Variants in MECOM observed in about 807,000 individuals in gnomAD.
MECOM encodes histone-lysine N-methyltransferase MECOM.
Under a neutral mutation model 116.3 loss-of-function variants are expected in MECOM, and 13 were observed. That is an observed-to-expected ratio of 0.11 (90% CI 0.07 to 0.18). MECOM has a LOEUF of 0.18. MECOM is among the 10% of genes least tolerant of loss of function. MECOM has a pLI of 1.00. For missense variants in MECOM, 1,299 were observed against 1,509.0 expected, an observed-to-expected ratio of 0.86 and a Z score of 2.31; for synonymous variants, 528 against 535.2, an observed-to-expected ratio of 0.99 and a Z score of 0.19.
chr3:169,230,502 G>A (rs1753248842), intron 2 of MECOM, among the ~76,000 whole-genome samples: 1 of 152,010 alleles, frequency 6.6e-6, no homozygotes, highest in Admixed American at 6.6e-5. Context: ...CTTAATTCTC[G>A]ATTTTGTTAT....
Position 169,097,603 on chromosome 3 carries a change from TA to T in MECOM, c.2850-2359del, listed in dbSNP as rs1024343001. 1.6e-4 allele frequency among the ~76,000 whole-genome samples: 25 copies of T among 151,868 alleles called. 1 individual carries two copies. The highest frequency in any genetic ancestry group is 5.1e-4 in the African/African-American group (21 of 41,352). ...CAGACTTTGCGGAAGGCAATTAGCA[TA>T]TGTAAATCTGAATTTTTTCATTTGT... On this transcript the variant is annotated intron_variant, in intron 12 of 16. Coordinates refer to ENST00000651503, the MANE Select transcript of MECOM (RefSeq NM_004991.4).
At position 169,283,041 on chromosome 3, in the gene MECOM, G is replaced by A. The variant is rs1015597526; in HGVS notation, c.375+98146C>T. On this transcript the variant is annotated intron_variant, in intron 2 of 16. Transcript: ENST00000651503. ...CTGACTTCAATCACATCTAGAATTC[G>A]AACAAAAGAAGTTATATGAGTTGCT... 3.9e-5 allele frequency among the ~76,000 whole-genome samples: 6 copies of A among 152,030 alleles called. No individual in the cohort carries two copies. In the South Asian group the frequency reaches 6.2e-4, roughly 16 times the overall value.
intron 1 of MECOM, among the ~76,000 whole-genome samples, chr3:169,466,482 AT>A (rs1359634900): frequency 6.6e-6 from 1 of 152,104 alleles, no homozygotes; most frequent in African/African-American, 2.4e-5. Flanking sequence ...TAAAAGTGAG[AT>A]CTAAAAAGTT....
At chr3:169,086,351 C>A (rs185217257) in intron 16 of MECOM, among the ~76,000 whole-genome samples, 1 of 152,180 alleles carries the variant, frequency 6.6e-6, no homozygotes, top group African/African-American at 2.4e-5. Flanking sequence ...AGCATTCAAC[C>A]TAAATTATCT....
At chr3:169,652,245 G>T (rs1377335478) in intron 1 of MECOM, among the ~76,000 whole-genome samples, 1 of 152,162 alleles carries the variant, frequency 6.6e-6, no homozygotes, top group East Asian at 1.9e-4. Flanking sequence ...CCAAAAGAAG[G>T]TCATGAACTA....
chr3:169,183,761 TACACACACACACACAC>T (rs71166249), intron 2 of MECOM, among the ~76,000 whole-genome samples: 2,384 of 118,752 alleles, frequency 0.02, 68 homozygotes, highest in African/African-American at 0.026. Flanking sequence ...GATACATACA[TACACACACACACACAC>T]ACACACACAC....
At chr3:169,472,577 G>A (rs1186776764) in intron 1 of MECOM, among the ~76,000 whole-genome samples, 69 of 69,908 alleles carry the variant, frequency 9.9e-4, no homozygotes, top group African/African-American at 1.6e-3. Flanking sequence ...GGAGAGGAGA[G>A]GAGAGGAAAG....
intron 1 of MECOM, among the ~76,000 whole-genome samples, chr3:169,545,221 G>T (rs904319484): frequency 3.3e-5 from 5 of 152,034 alleles, no homozygotes; most frequent in African/African-American, 1.2e-4. Context: ...GGTACCCCAT[G>T]ACCAGTCAAT....
At chr3:169,185,406 G>A (rs1746579287) in intron 2 of MECOM, among the ~76,000 whole-genome samples, 2 of 152,112 alleles carry the variant, frequency 1.3e-5, no homozygotes, top group Non-Finnish European at 2.9e-5. Context: ...GGAGGATGAA[G>A]GGCTGAAAAA....
intron 1 of MECOM, among the ~76,000 whole-genome samples, chr3:169,646,700 C>T (rs984594293): frequency 2.0e-5 from 3 of 151,510 alleles, no homozygotes; most frequent in Non-Finnish European, 4.4e-5. Context: ...TAAAAATATG[C>T]TGGTGAGCTT....
intron 1 of MECOM, among the ~76,000 whole-genome samples, chr3:169,499,562 A>G (rs1024402678): frequency 6.6e-6 from 1 of 151,950 alleles, no homozygotes; most frequent in Non-Finnish European, 1.5e-5. Flanking sequence ...TAAAAAAGCT[A>G]ACTTCTCAGG....
intron 1 of MECOM, among the ~76,000 whole-genome samples, chr3:169,649,236 G>C (rs919581167): frequency 3.3e-5 from 5 of 152,012 alleles, no homozygotes; most frequent in South Asian, 2.1e-4. Flanking sequence ...GAGGCTTGCA[G>C]ATCATTTGAG....
Position 169,505,251 on chromosome 3 carries a change from A to G in MECOM, c.38-123727T>C, listed in dbSNP as rs75366229. Among the ~76,000 whole-genome samples, 1,262 of 152,270 alleles carry G rather than the reference A, an allele frequency of 8.3e-3. 17 individuals are homozygous for G. Among genetic ancestry groups the G allele is most frequent in the African/African-American group, 0.029 (1,210 of 41,536 alleles). ...AGTATATCATACCCTGTAATTCTCA[A>G]AGTAGTTACAATAAATTTAAATAAA... On this transcript the variant is annotated intron_variant, in intron 1 of 16. Coordinates refer to ENST00000651503, the MANE Select transcript of MECOM (RefSeq NM_004991.4).
At chr3:169,191,496 T>C (rs190178667) in intron 2 of MECOM, among the ~76,000 whole-genome samples, 4 of 151,666 alleles carry the variant, frequency 2.6e-5, no homozygotes, top group Admixed American at 2.6e-4. Flanking sequence ...GAAGGTAAGA[T>C]GGATAAAATA....
intron 1 of MECOM, among the ~76,000 whole-genome samples, chr3:169,510,888 A>G (rs1385904464): frequency 6.6e-6 from 1 of 152,192 alleles, no homozygotes; most frequent in Non-Finnish European, 1.5e-5. Context: ...GACATGGCAA[A>G]GGTGTTGGTA....
intron 2 of MECOM, among the ~76,000 whole-genome samples, chr3:169,296,890 G>C (rs1358300152): frequency 1.3e-5 from 2 of 152,172 alleles, no homozygotes; most frequent in African/African-American, 4.8e-5. Context: ...AGACACCCCA[G>C]AGGTGTAAAC....
chr3:169,185,633 G>A (rs1197870770), intron 2 of MECOM, among the ~76,000 whole-genome samples: 4 of 152,010 alleles, frequency 2.6e-5, no homozygotes, highest in Admixed American at 1.3e-4. Flanking sequence ...TCTTTTCTAC[G>A]GTTCACAATA....
At chr3:169,518,258 C>CAA (rs11333455) in intron 1 of MECOM, among the ~76,000 whole-genome samples, 26 of 142,958 alleles carry the variant, frequency 1.8e-4, no homozygotes, top group Middle Eastern at 3.6e-3. Context: ...GACTCCATCT[C>CAA]AAAAAAAAAA....
chr3:169,586,646 T>C (rs1305896285), intron 1 of MECOM, among the ~76,000 whole-genome samples: 1 of 152,238 alleles, frequency 6.6e-6, no homozygotes, highest in Non-Finnish European at 1.5e-5. Context: ...AGAAAGCATT[T>C]GCCTTTGTAA....
Sources: allele counts gnomAD v4.1 joint callset (sites outside exome capture counted in the v4.1 genomes callset), GRCh38; gene constraint gnomAD v4.1.1; transcripts MANE v1.5; gene names NCBI Gene and HGNC (gene_info 2026-07-23, HGNC 2026-07-21).